PCLO: variants seen among roughly 807,000 people sequenced by gnomAD.
PCLO encodes the protein protein piccolo.
In PCLO, 82 loss-of-function variants were observed where a neutral mutation model predicts 427.5. The ratio of observed to expected loss-of-function variants is 0.19; its 90% confidence interval spans 0.16 to 0.23. The LOEUF (loss-of-function observed/expected upper bound fraction) is 0.23, where lower values mean the gene tolerates loss of function less well. PCLO is among the 10% of genes least tolerant of loss of function. PCLO has a pLI of 1.00. For missense variants in PCLO, 6,239 were observed against 6,115.9 expected (o/e 1.02, Z -0.67); for synonymous variants, 2,357 against 2,155.4 (o/e 1.09, Z -2.59).
At position 83,157,948 on chromosome 7, in the gene PCLO, A is replaced by G. The variant is rs143939195; in HGVS notation, c.249-1556T>C. ...CTACAAATATTTTATTTCATATTCA[A>G]TACTTCTTATGAATTAACTTTTTCC... is the stretch of plus-strand genomic sequence containing the variant. On this transcript the variant is annotated intron_variant, in intron 1 of 24. Transcript: ENST00000333891. 2.9e-3 allele frequency among the ~76,000 whole-genome samples: 440 copies of G among 152,212 alleles called. 1 individual carries two copies. The highest frequency in any genetic ancestry group is 4.6e-3 in the Non-Finnish European group (312 of 67,946).
Position 83,155,234 on chromosome 7 carries a change from A to T in PCLO, c.1407T>A (p.Pro469=). ...TSAQQTGPTK[P]PSQLPGPAKP... ...TTGCTGGGCCAGGCAGTTGTGAAGG[A>T]GGCTTTGTTGGGCCAGTCTGCTGGG... Residue 469 remains proline, a synonymous_variant, in exon 2 of 25, where the codon CCT becomes CCA. Transcript: ENST00000333891. 6.2e-7 allele frequency: 1 copy of T among 1,613,168 alleles called. No homozygotes were observed. Among genetic ancestry groups the T allele is most frequent in the Non-Finnish European group, 8.5e-7 (1 of 1,179,716 alleles).
intron 22 of PCLO, among the ~76,000 whole-genome samples, chr7:82,788,940 TAACTC>T (rs1791042783): frequency 2.0e-5 from 3 of 152,052 alleles, no homozygotes; most frequent in Admixed American, 1.3e-4. Context: ...GGTTTTAAAA[TAACTC>T]AATCATTCTA....
chr7:83,045,988 G>A (rs1362039619), intron 3 of PCLO, among the ~76,000 whole-genome samples: 1 of 152,000 alleles, frequency 6.6e-6, no homozygotes, highest in East Asian at 1.9e-4. Flanking sequence ...CAATATATTG[G>A]CAGGTTTGAT....
chr7:82,969,052 G>A (rs896023930), intron 3 of PCLO, among the ~76,000 whole-genome samples: 7 of 152,154 alleles, frequency 4.6e-5, no homozygotes, highest in African/African-American at 1.7e-4. Context: ...TGTTGGGACA[G>A]GGACAAATTA....
chr7:82,921,552 T>C (rs1051392742), intron 6 of PCLO, among the ~76,000 whole-genome samples: 33 of 152,022 alleles, frequency 2.2e-4, no homozygotes, highest in African/African-American at 7.5e-4. Flanking sequence ...ATGCCAAAGA[T>C]TGAAACTGGA....
At chr7:83,038,987 T>C (rs1788902379) in intron 3 of PCLO, among the ~76,000 whole-genome samples, 1 of 152,062 alleles carries the variant, frequency 6.6e-6, no homozygotes, top group Non-Finnish European at 1.5e-5. Flanking sequence ...TGACTAAAGA[T>C]GTCAAGCATG....
At chr7:83,032,373 T>TCCCTCACTA (rs1788690548) in intron 3 of PCLO, among the ~76,000 whole-genome samples, 1 of 149,544 alleles carries the variant, frequency 6.7e-6, no homozygotes, top group African/African-American at 2.5e-5. Context: ...CATTCTCCAT[T>TCCCTCACTA]CCCTCACTCC....
intron 3 of PCLO, among the ~76,000 whole-genome samples, chr7:83,128,721 T>C (rs143039008): frequency 6.6e-6 from 1 of 152,248 alleles, no homozygotes; most frequent in Non-Finnish European, 1.5e-5. Flanking sequence ...TTGGAAAGAA[T>C]ATAACAGTAT....
intron 3 of PCLO, among the ~76,000 whole-genome samples, chr7:83,074,032 C>T (rs1012370227): frequency 1.3e-5 from 2 of 151,784 alleles, no homozygotes; most frequent in African/African-American, 4.8e-5. Context: ...AAATTAAACA[C>T]ATATAATTGT....
At chr7:82,957,060 C>A (rs1795543400) in intron 4 of PCLO, 125 bp from the exon 5 acceptor site, 2 of 1,030,980 alleles carry the variant, frequency 1.9e-6, no homozygotes, top group East Asian at 3.0e-5. Context: ...TCAACCATAT[C>A]TCAGTATTTT....
At chr7:83,066,823 G>C (rs901886981) in intron 3 of PCLO, among the ~76,000 whole-genome samples, 8 of 152,104 alleles carry the variant, frequency 5.3e-5, no homozygotes, top group Admixed American at 1.3e-4. Flanking sequence ...ATGTGAGATG[G>C]AGCGCTGTTC....
intron 10 of PCLO, among the ~76,000 whole-genome samples, chr7:82,878,728 C>G (rs1165661734): frequency 3.3e-5 from 5 of 152,140 alleles, no homozygotes; most frequent in Admixed American, 6.5e-5. Context: ...TAGACCACAC[C>G]TAGTACAGGG....
At chr7:82,790,163 TC>T (rs977973136) in intron 22 of PCLO, among the ~76,000 whole-genome samples, 2 of 151,942 alleles carry the variant, frequency 1.3e-5, no homozygotes, top group Non-Finnish European at 2.9e-5. Context: ...TCCAAACGAG[TC>T]CCCCAACTTC....
At chr7:82,851,041 T>C (rs931197287) in intron 10 of PCLO, among the ~76,000 whole-genome samples, 3 of 152,114 alleles carry the variant, frequency 2.0e-5, no homozygotes, top group Admixed American at 1.3e-4. Flanking sequence ...GAATGTGGGA[T>C]TGGTGACCTT....
chr7:82,984,197 T>C (rs897232296), intron 3 of PCLO, among the ~76,000 whole-genome samples: 6 of 152,072 alleles, frequency 3.9e-5, no homozygotes, highest in African/African-American at 9.7e-5. Context: ...GGACTCTTAA[T>C]GTGAAAAATT....
chr7:82,893,214 A>T (rs555447095), intron 9 of PCLO, among the ~76,000 whole-genome samples: 23 of 152,252 alleles, frequency 1.5e-4, no homozygotes, highest in Admixed American at 1.1e-3. Context: ...AAAATGTGGC[A>T]CATATACACC....
chr7:82,998,051 T>C (rs1048740907), intron 3 of PCLO, among the ~76,000 whole-genome samples: 1 of 151,838 alleles, frequency 6.6e-6, no homozygotes, highest in Non-Finnish European at 1.5e-5. Flanking sequence ...ACTCTCAAAA[T>C]TGGAGAGACA....
intron 3 of PCLO, among the ~76,000 whole-genome samples, chr7:83,009,026 TAA>T (rs1434585911): frequency 6.6e-6 from 1 of 151,650 alleles, no homozygotes; most frequent in Non-Finnish European, 1.5e-5. Flanking sequence ...TCTATACCCA[TAA>T]ATATCCCATA....
At chr7:83,032,901 A>G (rs1788707390) in intron 3 of PCLO, among the ~76,000 whole-genome samples, 1 of 152,164 alleles carries the variant, frequency 6.6e-6, no homozygotes, top group Non-Finnish European at 1.5e-5. Flanking sequence ...ATCGCATCTC[A>G]TCTCGAATTG....
Sources: gnomAD v4.1 joint callset for allele counts (sites outside exome capture counted in the v4.1 genomes callset) on GRCh38, gnomAD v4.1.1 for gene constraint, MANE v1.5 for transcripts, NCBI Gene and HGNC (gene_info 2026-07-23, HGNC 2026-07-21) for gene names.